The following PACRG variants were observed in gnomAD, a reference collection of about 807,000 sequenced individuals.
PACRG encodes parkin coregulated gene protein.
Under a neutral mutation model 29.7 loss-of-function variants are expected in PACRG, and 29 were observed. The ratio of observed to expected loss-of-function variants is 0.98; its 90% CI spans 0.73 to 1.33. The LOEUF (loss-of-function observed/expected upper bound fraction) is 1.33. Among genes scored for constraint, PACRG ranks in the 40% most tolerant of loss-of-function variants. PACRG has a pLI of 0.00. For missense variants in PACRG, 279 were observed against 316.2 expected (o/e 0.88, Z 0.89); for synonymous variants, 116 against 118.7 (o/e 0.98, Z 0.15).
At chr6:162,798,389 T>C (rs1785561430) in intron 1 of PACRG, among the ~76,000 whole-genome samples, 1 of 152,166 alleles carries the variant, frequency 6.6e-6, no homozygotes. Flanking sequence ...AATACATTTT[T>C]TTCTGGTGTT....
At chr6:162,776,303 C>G (rs1424582081) in intron 1 of PACRG, among the ~76,000 whole-genome samples, 1 of 152,170 alleles carries the variant, frequency 6.6e-6, no homozygotes, top group Non-Finnish European at 1.5e-5. Context: ...AGCTTCACAA[C>G]TTATTATTGC....
chr6:162,805,891 C>T (rs554876482), intron 1 of PACRG, among the ~76,000 whole-genome samples: 2 of 152,308 alleles, frequency 1.3e-5, no homozygotes, highest in African/African-American at 4.8e-5. Flanking sequence ...TACTCCACTG[C>T]AGTCTTGAAC....
chr6:162,920,280 C>T (rs553421149), intron 2 of PACRG, among the ~76,000 whole-genome samples: 39 of 152,166 alleles, frequency 2.6e-4, no homozygotes, highest in African/African-American at 8.9e-4. Flanking sequence ...TTAAACTCCC[C>T]GAAGCCTGAA....
intron 4 of PACRG, among the ~76,000 whole-genome samples, chr6:163,124,412 C>T (rs1335335325): frequency 6.6e-6 from 1 of 152,064 alleles, no homozygotes; most frequent in Non-Finnish European, 1.5e-5. Context: ...AATCAATTAC[C>T]TAAGACCTTG....
At chr6:162,739,952 GTTAA>G (rs2128258952) in intron 1 of PACRG, among the ~76,000 whole-genome samples, 1 of 148,960 alleles carries the variant, frequency 6.7e-6, no homozygotes, top group East Asian at 2.0e-4. Context: ...CACATACATT[GTTAA>G]TTATTTAACT....
chr6:163,131,078 C>A (rs867897962), intron 4 of PACRG, among the ~76,000 whole-genome samples: 1 of 152,072 alleles, frequency 6.6e-6, no homozygotes, highest in African/African-American at 2.4e-5. Context: ...GAGGCCGAGG[C>A]GGGTGGATCA....
chr6:162,955,393 G>A lies in PACRG; in HGVS notation c.292-106757G>A, dbSNP rs532617639. ...TGGCTCACTGCAAGCTCTGCCTCCC[G>A]GGTTCAAGCAATTCTCCTGCCTCAG... On this transcript the variant is annotated intron_variant, in intron 2 of 4. Coordinates refer to ENST00000366888, the MANE Select transcript of PACRG (RefSeq NM_001080379.2). Among the ~76,000 whole-genome samples the A allele has an allele frequency of 6.6e-5, 10 of 152,140 alleles. No individual in the cohort carries two copies. The South Asian group carries it at 1.7e-3, about 25-fold the overall frequency.
chr6:163,256,569 C>G (rs963330914), intron 4 of PACRG, among the ~76,000 whole-genome samples: 1 of 152,178 alleles, frequency 6.6e-6, no homozygotes, highest in Non-Finnish European at 1.5e-5. Flanking sequence ...CAAAGACCCC[C>G]AGGGATGATG....
At chr6:163,246,881 G>A (rs1782718058) in intron 4 of PACRG, among the ~76,000 whole-genome samples, 1 of 152,222 alleles carries the variant, frequency 6.6e-6, no homozygotes, top group East Asian at 1.9e-4. Context: ...AAGTAGGAAA[G>A]CACAGAGTAT....
chr6:163,210,717 T>A (rs1230396279), intron 4 of PACRG, among the ~76,000 whole-genome samples: 1 of 152,254 alleles, frequency 6.6e-6, no homozygotes, highest in Non-Finnish European at 1.5e-5. Flanking sequence ...CTGTTCTTTG[T>A]TGCACCCAGT....
At chr6:162,879,474 C>T (rs939182966) in intron 2 of PACRG, among the ~76,000 whole-genome samples, 6 of 152,308 alleles carry the variant, frequency 3.9e-5, no homozygotes, top group South Asian at 4.1e-4. Context: ...GTTTAGGAAT[C>T]ATTGAGGGGG....
At position 162,926,866 on chromosome 6, in the gene PACRG, G is replaced by A. The variant is rs149989696; in HGVS notation, c.291+112585G>A. Among the ~76,000 whole-genome samples, 76 of 152,176 alleles carry A rather than the reference G, an allele frequency of 5.0e-4. 2 individuals carry two copies. The East Asian group carries it at 0.012, about 24-fold the overall frequency. On this transcript the variant is annotated intron_variant, in intron 2 of 4. Transcript: ENST00000366888. ...AGGAAACTGTCATCAGAGCAAACAGGCAACCTGCAGAATGGGAGAAAATTT... is the reference window on the plus strand; with the variant it reads ...AGGAAACTGTCATCAGAGCAAACAGACAACCTGCAGAATGGGAGAAAATTT...
chr6:163,087,150 C>T (rs190162714), intron 3 of PACRG, among the ~76,000 whole-genome samples: 263 of 152,128 alleles, frequency 1.7e-3, no homozygotes, highest in Non-Finnish European at 2.8e-3. Flanking sequence ...GAATGGGTCC[C>T]AAGGATCAGA....
intron 3 of PACRG, among the ~76,000 whole-genome samples, chr6:163,066,424 T>A (rs1341914787): frequency 2.6e-5 from 4 of 151,748 alleles, no homozygotes; most frequent in Non-Finnish European, 5.9e-5. Context: ...ACAGTGAGAG[T>A]CCCCAAGTGA....
intron 4 of PACRG, among the ~76,000 whole-genome samples, chr6:163,096,265 C>T (rs529181265): frequency 2.6e-5 from 4 of 152,244 alleles, no homozygotes; most frequent in African/African-American, 7.2e-5. Flanking sequence ...AGGGTGCTGC[C>T]GCACCAGCCC....
chr6:162,828,333 T>C (rs943780813), intron 2 of PACRG, among the ~76,000 whole-genome samples: 5 of 152,202 alleles, frequency 3.3e-5, no homozygotes, highest in Admixed American at 6.5e-5. Context: ...GTTTGTTCAT[T>C]TAAACCCCAG....
At chr6:163,244,215 A>C (rs1272664368) in intron 4 of PACRG, among the ~76,000 whole-genome samples, 1 of 149,620 alleles carries the variant, frequency 6.7e-6, no homozygotes, top group African/African-American at 2.5e-5. Context: ...CATTCATTTA[A>C]ATCATTTTTT....
At position 162,898,220 on chromosome 6, in the gene PACRG, A is replaced by C. The variant is rs374758611; in HGVS notation, c.291+83939A>C. 2.6e-5 allele frequency among the ~76,000 whole-genome samples: 4 copies of C among 152,204 alleles called. No homozygotes were observed. The East Asian group carries it at 7.7e-4, about 29-fold the overall frequency. ...AGTGTGGAGCTGCTCACAGATAATGAAGACAGATGGTGCTAAGCGGAATCT... is the reference window on the plus strand; with the variant it reads ...AGTGTGGAGCTGCTCACAGATAATGCAGACAGATGGTGCTAAGCGGAATCT... On this transcript the variant is annotated intron_variant, in intron 2 of 4. Transcript: ENST00000366888.
chr6:163,217,242 C>G (rs1781398764), intron 4 of PACRG, among the ~76,000 whole-genome samples: 1 of 152,208 alleles, frequency 6.6e-6, no homozygotes, highest in African/African-American at 2.4e-5. Flanking sequence ...TGCCCAAAGG[C>G]TAAAACAAGC....
Sources: gnomAD v4.1 joint callset for allele counts (sites outside exome capture counted in the v4.1 genomes callset) on GRCh38, gnomAD v4.1.1 for gene constraint, MANE v1.5 for transcripts, NCBI Gene and HGNC (gene_info 2026-07-23, HGNC 2026-07-21) for gene names.